The following NEBL variants were observed in gnomAD, a reference collection of about 807,000 sequenced individuals.
The protein encoded by NEBL is nebulette.
Under a neutral mutation model 140.2 loss-of-function variants are expected in NEBL, and 122 were observed. The observed-to-expected ratio is 0.87, with a 90% CI of 0.75 to 1.01. The LOEUF (loss-of-function observed/expected upper bound fraction) is 1.01, where lower values mean the gene tolerates loss of function less well. Ranked by LOEUF, NEBL falls within the 50% of genes least tolerant of loss-of-function variation. The pLI, the probability that NEBL is intolerant of heterozygous loss-of-function variation, is 0.00. For synonymous variants in NEBL, 436 were observed against 398.9 expected, an observed-to-expected ratio of 1.09 and a Z score of -1.11; for missense variants, 1,365 against 1,231.3, an observed-to-expected ratio of 1.11 and a Z score of -1.62.
chr10:20,862,194 T>C (rs1226212850), intron 7 of NEBL, among the ~76,000 whole-genome samples: 2 of 152,186 alleles, frequency 1.3e-5, no homozygotes, highest in African/African-American at 4.8e-5. Flanking sequence ...TCTATGCATT[T>C]CTAAGAAACA....
At chr10:20,859,580 C>A (rs1843445340) in intron 8 of NEBL, 133 bp downstream of exon 8, 2 of 596,696 alleles carry the variant, frequency 3.4e-6, no homozygotes, top group Non-Finnish European at 3.0e-6. Flanking sequence ...TCAGAAAAAG[C>A]TTTAGAAAAA....
intron 5 of NEBL, among the ~76,000 whole-genome samples, chr10:20,873,490 G>C (rs1450921170): frequency 6.6e-6 from 1 of 151,972 alleles, no homozygotes; most frequent in East Asian, 1.9e-4. Flanking sequence ...GGAGGAGGAG[G>C]GGGAAAAGAG....
At chr10:21,240,516 G>A (rs974831125) in intron 3 of NEBL, among the ~76,000 whole-genome samples, 8 of 152,018 alleles carry the variant, frequency 5.3e-5, no homozygotes, top group Non-Finnish European at 8.8e-5. Context: ...GGTGGCACTC[G>A]CCTGTAATCC....
rs186551168 is a variant in NEBL, at chr10:20,999,335, G to A, written c.249+20782C>T. On this transcript the variant is annotated intron_variant, in intron 3 of 6. Coordinates refer to the NEBL transcript ENST00000417816. The stretch of plus-strand genomic sequence containing the variant: ...AGCCAGGCTGGATGCAGTGGCTCAC[G>A]CCTGTAATCTCAGCACTTTGGGAGG... Among the ~76,000 whole-genome samples, 72 of 152,266 alleles carry A rather than the reference G, an allele frequency of 4.7e-4. 2 individuals are homozygous for A. Among genetic ancestry groups the A allele is most frequent in the South Asian group, 4.1e-4 (2 of 4,824 alleles).
chr10:21,001,593 A>T (rs567391744), intron 3 of NEBL, among the ~76,000 whole-genome samples: 8 of 152,256 alleles, frequency 5.3e-5, no homozygotes, highest in Admixed American at 5.2e-4. Flanking sequence ...CTTATTGCAG[A>T]AGCCTAGTGC....
At chr10:20,792,327 A>G (rs1836079649) in intron 26 of NEBL, among the ~76,000 whole-genome samples, 1 of 152,194 alleles carries the variant, frequency 6.6e-6, no homozygotes, top group Non-Finnish European at 1.5e-5. Flanking sequence ...ATATTTTCTA[A>G]CACTTGACTA....
intron 7 of NEBL, among the ~76,000 whole-genome samples, chr10:20,862,913 G>A (rs1423200501): frequency 1.3e-5 from 2 of 151,908 alleles, no homozygotes; most frequent in Non-Finnish European, 2.9e-5. Flanking sequence ...CACAGTAGGT[G>A]TATGTATTAT....
intron 2 of NEBL, among the ~76,000 whole-genome samples, chr10:21,169,067 A>ATATATATATAT (rs1554830680): frequency 3.9e-4 from 9 of 23,060 alleles, no homozygotes; most frequent in Non-Finnish European, 4.3e-4. Flanking sequence ...AAAAAAAAAA[A>ATATATATATAT]ATATATATAT....
At chr10:20,892,913 A>G (rs983773648) in intron 2 of NEBL, among the ~76,000 whole-genome samples, 2 of 152,240 alleles carry the variant, frequency 1.3e-5, no homozygotes, top group Non-Finnish European at 2.9e-5. Flanking sequence ...TGGCTCCATC[A>G]TTATTTAACT....
chr10:21,190,356 A>T lies in NEBL; in HGVS notation n.349-17879T>A, dbSNP rs148731049. Among the ~76,000 whole-genome samples, 392 of 152,206 alleles carry T rather than the reference A, an allele frequency of 2.6e-3. 3 individuals carry two copies. The highest frequency in any genetic ancestry group is 8.9e-3 in the African/African-American group (371 of 41,532). ...TTTAATTATCCAGGCATGGTGGTGC[A>T]TGCCTTAGTCCCAGCTACTCAGGAG... On this transcript the variant is annotated intron_variant and non_coding_transcript_variant, in intron 3 of 8. Transcript: ENST00000675702.
chr10:20,829,020 T>C (rs1045114433), intron 16 of NEBL, among the ~76,000 whole-genome samples: 4 of 152,178 alleles, frequency 2.6e-5, no homozygotes, highest in Non-Finnish European at 5.9e-5. Flanking sequence ...TTGTACTTAC[T>C]ATGTAATGGG....
At chr10:21,161,866 T>C (rs1840573703) in intron 2 of NEBL, among the ~76,000 whole-genome samples, 1 of 152,180 alleles carries the variant, frequency 6.6e-6, no homozygotes, top group East Asian at 1.9e-4. Flanking sequence ...TCTAAATACT[T>C]GAAATTTCCC....
At chr10:21,081,864 A>G (rs912929652) in intron 2 of NEBL, among the ~76,000 whole-genome samples, 7 of 152,348 alleles carry the variant, frequency 4.6e-5, no homozygotes, top group Non-Finnish European at 1.0e-4. Flanking sequence ...GAAATAAATC[A>G]TGATAGTGAT....
Position 20,781,115 on chromosome 10 carries a change from T to C in NEBL, c.*4632A>G, listed in dbSNP as rs1439712196. ...CGATGTTGCTCTAGTCCACCAAGGC[T>C]TAAAGATTCACAGTGTAGAGGAAAA... On this transcript the variant is annotated 3_prime_UTR_variant, in exon 28 of 28. Transcript: ENST00000377122. The C allele has an allele frequency of 6.6e-6, 1 of 152,576 alleles. No individual in the cohort carries two copies. The highest frequency in any genetic ancestry group is 1.5e-5 in the Non-Finnish European group (1 of 68,032). The allele number at this position is 152,576 out of a possible 1,614,324, so 9.5% of individuals were successfully genotyped here. A position where few individuals can be genotyped will look rare whatever the true frequency, so the allele number is the denominator to read the frequency against.
intron 9 of NEBL, among the ~76,000 whole-genome samples, chr10:20,856,245 T>C (rs1227905327): frequency 6.6e-6 from 1 of 152,242 alleles, no homozygotes; most frequent in Non-Finnish European, 1.5e-5. Context: ...TTGCTGTGTT[T>C]TCTCTGTTGA....
At chr10:21,214,876 G>A (rs1223324943) in intron 3 of NEBL, among the ~76,000 whole-genome samples, 2 of 152,146 alleles carry the variant, frequency 1.3e-5, no homozygotes, top group African/African-American at 4.8e-5. Flanking sequence ...TTTTAGAAAA[G>A]AATAGGAAAT....
At position 20,880,841 on chromosome 10, in the gene NEBL, GC is replaced by G; in HGVS notation, c.432del (p.Glu144AspfsTer49). 6.2e-7 allele frequency: 1 copy of G among 1,614,046 alleles called. No individual in the cohort carries two copies. Among genetic ancestry groups the G allele is most frequent in the Non-Finnish European group, 8.5e-7 (1 of 1,179,974 alleles). ...TCCATGGCATGTTTAACCTCAGGGG[GC>G]TCCTTCATGTGGGCATAATCTGAGA... ...KGFSDYAHMKEPPEVKHAMEV... is the reference protein window; with the variant it reads ...KGFSDYAHMKXPPEVKHAMEV... On this transcript the variant is annotated frameshift_variant, in exon 5 of 28. Coordinates refer to ENST00000377122, the MANE Select transcript of NEBL (RefSeq NM_006393.3). LOFTEE classifies it high-confidence loss of function.
intron 2 of NEBL, among the ~76,000 whole-genome samples, chr10:21,157,003 C>T (rs1026334649): frequency 2.0e-5 from 3 of 152,148 alleles, no homozygotes; most frequent in Non-Finnish European, 2.9e-5. Flanking sequence ...CATTCTCCTA[C>T]AAGCAAGAAC....
chr10:21,165,312 G>A (rs879780258), intron 2 of NEBL, among the ~76,000 whole-genome samples: 11 of 152,144 alleles, frequency 7.2e-5, no homozygotes, highest in Non-Finnish European at 1.3e-4. Flanking sequence ...TTCCCACTAC[G>A]TTCATTACAG....
Sources: allele counts gnomAD v4.1 joint callset (sites outside exome capture counted in the v4.1 genomes callset), GRCh38; gene constraint gnomAD v4.1.1; transcripts MANE v1.5; gene names NCBI Gene and HGNC (gene_info 2026-07-23, HGNC 2026-07-21).